Variants in SHROOM3 observed in about 807,000 individuals in gnomAD.
The protein encoded by SHROOM3 is protein Shroom3.
A neutral mutation model predicts 138.6 loss-of-function variants in SHROOM3; 47 were observed. The ratio of observed to expected loss-of-function variants is 0.34; its 90% CI spans 0.27 to 0.43. The LOEUF is 0.43. Among genes scored for constraint, SHROOM3 ranks in the 20% least tolerant of loss-of-function variants. SHROOM3 has a pLI of 1.00. For missense variants in SHROOM3, 2,491 were observed against 2,596.5 expected (o/e 0.96, Z 0.88); for synonymous variants, 1,062 against 1,063.3 (o/e 1.00, Z 0.02).
chr4:76,497,440 A>G (rs918568749), intron 1 of SHROOM3, among the ~76,000 whole-genome samples: 21 of 152,382 alleles, frequency 1.4e-4, no homozygotes, highest in Middle Eastern at 3.4e-3. Flanking sequence ...TCAATAAAAT[A>G]GAAAAATAAA....
chr4:76,775,514 C>CT (rs933265149), intron 10 of SHROOM3, among the ~76,000 whole-genome samples: 5 of 152,042 alleles, frequency 3.3e-5, no homozygotes, highest in African/African-American at 1.2e-4. Context: ...AAAAGTACAT[C>CT]TATCATTTGA....
chr4:76,444,105 G>A (rs1294558389), intron 1 of SHROOM3, among the ~76,000 whole-genome samples: 2 of 151,800 alleles, frequency 1.3e-5, no homozygotes, highest in African/African-American at 4.8e-5. Flanking sequence ...TGTAGAGGTG[G>A]GGTTTTGCTA....
chr4:76,507,090 AAG>A (rs1732227542), intron 1 of SHROOM3, among the ~76,000 whole-genome samples: 1 of 152,212 alleles, frequency 6.6e-6, no homozygotes, highest in Non-Finnish European at 1.5e-5. Context: ...TATAATGAAA[AAG>A]ATTATAATTT....
rs1288944824 is a variant in SHROOM3 at position 76,741,768 on chromosome 4, A to G, written c.3595A>G (p.Thr1199Ala). The G allele has an allele frequency of 6.4e-7, 1 of 1,571,080 alleles. No individual in the cohort carries two copies. The highest frequency in any genetic ancestry group is 8.6e-7 in the Non-Finnish European group (1 of 1,158,568). ...LSGANGGTRG[T>A]QRGDETPREP... is the part of the protein sequence containing the mutation. Reference sequence around the variant, plus strand: ...CGGAGCAAACGGTGGAACAAGGGGCACCCAGAGAGGGGATGAGACCCCCAG... The same window carrying G: ...CGGAGCAAACGGTGGAACAAGGGGCGCCCAGAGAGGGGATGAGACCCCCAG... Residue 1199 changes from threonine (T) to alanine (A), a missense_variant, in exon 5 of 11, where the codon ACC (threonine) becomes GCC (alanine). Transcript: ENST00000296043. The surrounding 1 kb of genome is among the most constrained non-coding windows in gnomAD (Gnocchi z 6.2).
At chr4:76,555,063 C>T (rs59813878) in intron 1 of SHROOM3, among the ~76,000 whole-genome samples, 2,199 of 151,476 alleles carry the variant, frequency 0.015, 42 homozygotes, top group African/African-American at 0.049. Context: ...CTCAGGGCTC[C>T]GCTGATTCTA....
chr4:76,599,030 G>T (rs1577909847), intron 2 of SHROOM3, among the ~76,000 whole-genome samples: 1 of 152,244 alleles, frequency 6.6e-6, no homozygotes, highest in Non-Finnish European at 1.5e-5. Flanking sequence ...AGAAGGTACA[G>T]CAGGTAGACT....
At position 76,755,183 on chromosome 4, in the gene SHROOM3, C is replaced by T. The variant is rs1721765379; in HGVS notation, c.4700C>T (p.Pro1567Leu). The change falls in exon 7 of 11, where the codon CCA becomes CTA. Residue 1567 changes from proline to leucine, a missense_variant. By Grantham distance (98) the Pro-to-Leu change is moderately conservative. This residue lies in a region of SHROOM3 where 470 missense variants were observed against 595.0 expected (regional missense o/e 0.79). Transcript: ENST00000296043. ...AQLDSEDPEG[P>L]RPSFNKLSKV... ...CTGGACAGTGAGGATCCCGAGGGGC[C>T]ACGCCCCAGGTGAGTGAGCAGACTG... 6.2e-7 allele frequency: 1 copy of T among 1,613,678 alleles called. No homozygotes were observed. Among genetic ancestry groups the T allele is most frequent in the African/African-American group, 1.3e-5 (1 of 74,888 alleles).
intron 3 of SHROOM3, among the ~76,000 whole-genome samples, chr4:76,723,770 G>A (rs747771658): frequency 1.3e-5 from 2 of 152,126 alleles, no homozygotes; most frequent in African/African-American, 2.4e-5. Flanking sequence ...TAATAGTCCT[G>A]TATCATAAAG....
chr4:76,479,183 A>C (rs1731551055), intron 1 of SHROOM3, among the ~76,000 whole-genome samples: 2 of 152,042 alleles, frequency 1.3e-5, no homozygotes, highest in Non-Finnish European at 2.9e-5. Context: ...AACTCCTCTG[A>C]GCTAAAGGAG....
At chr4:76,481,213 T>G (rs1201247487) in intron 1 of SHROOM3, among the ~76,000 whole-genome samples, 1 of 151,234 alleles carries the variant, frequency 6.6e-6, no homozygotes, top group African/African-American at 2.4e-5. Flanking sequence ...TTGAAAACAT[T>G]AACAAAATAG....
intron 2 of SHROOM3, among the ~76,000 whole-genome samples, chr4:76,646,853 T>C (rs932900645): frequency 6.6e-6 from 1 of 152,010 alleles, no homozygotes; most frequent in Non-Finnish European, 1.5e-5. Flanking sequence ...CTGTGGAAAA[T>C]AGTATGGCAA....
At chr4:76,606,008 T>TATATATATATA (rs1491237830) in intron 2 of SHROOM3, among the ~76,000 whole-genome samples, 4 of 77,236 alleles carry the variant, frequency 5.2e-5, no homozygotes, top group African/African-American at 1.8e-4. Context: ...TATATATATA[T>TATATATATATA]TTTTTTTTTT....
intron 2 of SHROOM3, among the ~76,000 whole-genome samples, chr4:76,604,866 T>C (rs149132810): frequency 6.6e-6 from 1 of 152,342 alleles, no homozygotes; most frequent in Non-Finnish European, 1.5e-5. Context: ...TAGCTGACTA[T>C]ATAAGGCTAA....
At chr4:76,527,610 T>C (rs1223029320) in intron 1 of SHROOM3, among the ~76,000 whole-genome samples, 1 of 152,222 alleles carries the variant, frequency 6.6e-6, no homozygotes, top group African/African-American at 2.4e-5. Context: ...TAACTCCAAC[T>C]GGGTAAAACA....
chr4:76,776,397 G>T (rs1722570486), intron 10 of SHROOM3, among the ~76,000 whole-genome samples: 1 of 152,190 alleles, frequency 6.6e-6, no homozygotes, highest in Admixed American at 6.5e-5. Flanking sequence ...TCTGTGGGTT[G>T]TCTGTTTACT....
chr4:76,481,231 G>T (rs886107107), intron 1 of SHROOM3, among the ~76,000 whole-genome samples: 1 of 151,952 alleles, frequency 6.6e-6, no homozygotes, highest in Admixed American at 6.6e-5. Context: ...TAGACTGCTA[G>T]CCAGACTAAT....
chr4:76,648,705 G>A (rs1735890258), intron 2 of SHROOM3, among the ~76,000 whole-genome samples: 1 of 152,094 alleles, frequency 6.6e-6, no homozygotes, highest in Non-Finnish European at 1.5e-5. Context: ...TATCTGAAAA[G>A]GCTTTCTTTG....
intron 1 of SHROOM3, among the ~76,000 whole-genome samples, chr4:76,544,544 C>CT (rs5859522): frequency 0.28 from 42,341 of 149,630 alleles, 6,319 homozygotes; most frequent in Middle Eastern, 0.36. Flanking sequence ...AGCCTCCTGG[C>CT]TTTTTTTTGT....
At chr4:76,490,711 C>T (rs1339078203) in intron 1 of SHROOM3, among the ~76,000 whole-genome samples, 3 of 152,168 alleles carry the variant, frequency 2.0e-5, no homozygotes, top group Admixed American at 6.5e-5. Context: ...ATCAGCTAAT[C>T]GAGGACAGAC....
Sources: allele counts gnomAD v4.1 joint callset (sites outside exome capture counted in the v4.1 genomes callset), GRCh38; gene constraint gnomAD v4.1.1; regional missense constraint gnomAD v4.1.1; non-coding constraint Gnocchi (gnomAD v3.1); transcripts MANE v1.5; gene names NCBI Gene and HGNC (gene_info 2026-07-23, HGNC 2026-07-21).